FAM13C: variants seen among roughly 807,000 people sequenced by gnomAD.
FAM13C encodes family with sequence similarity 13 member C, also known as protein FAM13C.
A neutral mutation model predicts 73.2 loss-of-function variants in FAM13C; 37 were observed. The ratio of observed to expected loss-of-function variants is 0.51; its 90% CI spans 0.39 to 0.67. The LOEUF (loss-of-function observed/expected upper bound fraction) is 0.67. Among genes scored for constraint, FAM13C ranks in the 30% least tolerant of loss-of-function variants. The pLI, the probability that FAM13C is intolerant of heterozygous loss-of-function variation, is 0.00. For missense variants in FAM13C, 589 were observed against 715.6 expected (o/e 0.82, Z 2.02); for synonymous variants, 246 against 260.9 (o/e 0.94, Z 0.55).
rs759285043 is a variant in FAM13C at position 59,324,001 on chromosome 10, G to A, written c.430C>T (p.Arg144Ter). ...CAAAGGGCCCACCTTGGTTGAAGTCGCACTGTTTCTTGGCACTTGAAGGCA... is the reference window on the plus strand; with the variant it reads ...CAAAGGGCCCACCTTGGTTGAAGTCACACTGTTTCTTGGCACTTGAAGGCA... ...NNAFKCQETV[R>*]LQPRIDQRTA... is the part of the protein sequence containing the mutation. The change falls in exon 4 of 14, where the codon CGA becomes TGA. Residue 144 changes from arginine (R) to a stop codon, truncating the protein, a stop_gained. Transcript: ENST00000618804. LOFTEE classifies it high-confidence loss of function. 13 of 1,613,656 alleles carry A rather than the reference G, an allele frequency of 8.1e-6. No homozygotes were observed. The highest frequency in any genetic ancestry group is 4.0e-5 in the African/African-American group (3 of 74,890).
At chr10:59,253,661 T>C (rs1424838687) in intron 11 of FAM13C, 1 of 152,218 alleles carries the variant, frequency 6.6e-6, no homozygotes, top group African/African-American at 2.4e-5. Flanking sequence ...TCTTTAAAAA[T>C]GTGGAAGTAT....
At chr10:59,291,388 C>A (rs1403978550) in intron 5 of FAM13C, among the ~76,000 whole-genome samples, 3 of 152,182 alleles carry the variant, frequency 2.0e-5, no homozygotes, top group African/African-American at 7.2e-5. Flanking sequence ...CTGAGGACAG[C>A]GTCACTTGTG....
intron 12 of FAM13C, 35 bp from the exon 13 acceptor site, chr10:59,251,711 C>T: frequency 6.8e-7 from 1 of 1,472,378 alleles, no homozygotes; most frequent in Non-Finnish European, 9.3e-7. Flanking sequence ...TTACTGGGCA[C>T]TGGCATAATT....
chr10:59,264,732 G>A (rs1409528366), intron 8 of FAM13C, among the ~76,000 whole-genome samples: 4 of 152,094 alleles, frequency 2.6e-5, no homozygotes, highest in East Asian at 1.9e-4. Flanking sequence ...CAATATTCCC[G>A]AGAAGTCAGT....
intron 8 of FAM13C, among the ~76,000 whole-genome samples, chr10:59,268,160 C>G (rs1321646177): frequency 6.6e-6 from 1 of 151,298 alleles, no homozygotes; most frequent in Non-Finnish European, 1.5e-5. Flanking sequence ...AGACCCCTCC[C>G]TTGGATCTTT....
chr10:59,284,311 GGTGAAA>G (rs1845291186), intron 5 of FAM13C, among the ~76,000 whole-genome samples: 1 of 151,964 alleles, frequency 6.6e-6, no homozygotes, highest in Non-Finnish European at 1.5e-5. Flanking sequence ...CCTCCGACCA[GGTGAAA>G]GTGAGTCAGC....
At chr10:59,301,877 AC>A (rs1316719162) in intron 5 of FAM13C, among the ~76,000 whole-genome samples, 1 of 152,232 alleles carries the variant, frequency 6.6e-6, no homozygotes, top group Admixed American at 6.5e-5. Context: ...CAGCTGGTTT[AC>A]CTTTAGCTAT....
At chr10:59,317,609 T>A (rs1456778462) in intron 4 of FAM13C, among the ~76,000 whole-genome samples, 1 of 152,158 alleles carries the variant, frequency 6.6e-6, no homozygotes, top group African/African-American at 2.4e-5. Flanking sequence ...ATAATTAACC[T>A]ACTGCTTATT....
intron 6 of FAM13C, among the ~76,000 whole-genome samples, chr10:59,272,624 T>C (rs959217344): frequency 1.3e-5 from 2 of 152,222 alleles, no homozygotes; most frequent in Non-Finnish European, 2.9e-5. Context: ...CATCCTGCGA[T>C]GCAGTATGTT....
intron 6 of FAM13C, among the ~76,000 whole-genome samples, chr10:59,271,162 G>A (rs1048334085): frequency 2.6e-5 from 4 of 152,192 alleles, no homozygotes; most frequent in Admixed American, 2.0e-4. Context: ...GACCAGCCAA[G>A]GCTTTCTCTT....
At chr10:59,319,428 G>A (rs1192377060) in intron 4 of FAM13C, among the ~76,000 whole-genome samples, 2 of 152,260 alleles carry the variant, frequency 1.3e-5, no homozygotes, top group South Asian at 2.1e-4. Context: ...CAACATTAAA[G>A]GTTTAATGTC....
chr10:59,246,920 A>C lies in FAM13C; in HGVS notation c.*694T>G, dbSNP rs1375040644. The C allele has an allele frequency of 3.5e-6, 1 of 289,740 alleles. No individual in the cohort carries two copies. The highest frequency in any genetic ancestry group is 5.6e-5 in the East Asian group (1 of 17,786). The allele number at this position is 289,740 out of a possible 1,614,324, so 17.9% of individuals were successfully genotyped here. A position where few individuals can be genotyped will look rare whatever the true frequency, so the allele number is the denominator to read the frequency against. ...TACAATATTTTATTTTAATATAAACATCTGTCAGTTATAGACAAAGATAAT... is the reference window on the plus strand; with the variant it reads ...TACAATATTTTATTTTAATATAAACCTCTGTCAGTTATAGACAAAGATAAT... On this transcript the variant is annotated 3_prime_UTR_variant, in exon 14 of 14. Coordinates refer to ENST00000618804, the MANE Select transcript of FAM13C (RefSeq NM_198215.4).
intron 6 of FAM13C, 42 bp from the exon 7 acceptor site, chr10:59,270,151 AG>A: frequency 6.3e-7 from 1 of 1,575,422 alleles, no homozygotes; most frequent in Non-Finnish European, 8.7e-7. Context: ...GAAGTGACAG[AG>A]GGCTTGAGAC....
intron 10 of FAM13C, among the ~76,000 whole-genome samples, chr10:59,262,194 G>A (rs1426786319): frequency 6.6e-6 from 1 of 151,504 alleles, no homozygotes; most frequent in Non-Finnish European, 1.5e-5. Flanking sequence ...ATACCCTGGT[G>A]TCTTTGCCAT....
At chr10:59,288,646 A>C (rs931131343) in intron 5 of FAM13C, among the ~76,000 whole-genome samples, 2 of 152,172 alleles carry the variant, frequency 1.3e-5, no homozygotes, top group Non-Finnish European at 1.5e-5. Flanking sequence ...CTAAACTTAG[A>C]GTAATAGGGA....
Position 59,324,024 on chromosome 10 carries a change from G to C in FAM13C, c.407C>G (p.Ala136Gly), listed in dbSNP as rs753179946. Residue 136 changes from alanine (A) to glycine (G), a missense_variant, in exon 4 of 14, where the codon GCC becomes GGC. Physicochemically the swap from Ala to Gly is moderately conservative, Grantham distance 60. Transcript: ENST00000618804. ...TCGCACTGTTTCTTGGCACTTGAAG[G>C]CATTGTTTTGTGGACTCTCATGAGC... ...TPAHESPQNNAFKCQETVRLQ... is the reference protein window; with the variant it reads ...TPAHESPQNNGFKCQETVRLQ... 1.2e-6 allele frequency: 2 copies of C among 1,614,056 alleles called. No individual in the cohort carries two copies. Among genetic ancestry groups the C allele is most frequent in the East Asian group, 2.2e-5 (1 of 44,862 alleles).
At chr10:59,306,857 G>A (rs1032928891) in intron 4 of FAM13C, among the ~76,000 whole-genome samples, 2 of 152,178 alleles carry the variant, frequency 1.3e-5, no homozygotes, top group Non-Finnish European at 2.9e-5. Flanking sequence ...CTGGGTGACA[G>A]GCAAAACTCC....
rs537186438 is a variant in FAM13C, at chr10:59,308,606, T to C, written c.444-5742A>G. 1.8e-3 allele frequency among the ~76,000 whole-genome samples: 270 copies of C among 150,446 alleles called. 1 individual carries two copies. The highest frequency in any genetic ancestry group is 0.018 in the East Asian group (90 of 5,054). The stretch of plus-strand genomic sequence containing the variant: ...CCAGCACCACCAACCAGCATCACCA[T>C]CACCACCACCAGCACCACCATTGCC... On this transcript the variant is annotated intron_variant, in intron 4 of 13. Transcript: ENST00000618804.
chr10:59,262,567 G>C lies in FAM13C; in HGVS notation c.1103C>G (p.Thr368Arg), dbSNP rs573596509. The C allele has an allele frequency of 6.2e-7, 1 of 1,613,804 alleles. No homozygotes were observed. The highest frequency in any genetic ancestry group is 1.1e-5 in the South Asian group (1 of 91,074). ...PPRNLLCEQPTVPRENGKPEA... is the reference protein window; with the variant it reads ...PPRNLLCEQPRVPRENGKPEA... ...CGGTTTCCCATTTTCTCTGGGGACT[G>C]TGGGTTGCTCACACAACAGGTTTCT... The change falls in exon 10 of 14, where the codon ACA (threonine) becomes AGA (arginine). Residue 368 changes from threonine to arginine, a missense_variant. Physicochemically the swap from Thr to Arg is moderately conservative, Grantham distance 71 (BLOSUM62 -1). Coordinates refer to ENST00000618804, the MANE Select transcript of FAM13C (RefSeq NM_198215.4).
Sources: allele counts gnomAD v4.1 joint callset (sites outside exome capture counted in the v4.1 genomes callset), GRCh38; gene constraint gnomAD v4.1.1; transcripts MANE v1.5; gene names NCBI Gene and HGNC (gene_info 2026-07-23, HGNC 2026-07-21).